The following ENO4 variants were observed in gnomAD, a reference collection of about 807,000 sequenced individuals.
ENO4 encodes the protein enolase 4, also known as 2-phospho-D-glycerate hydro-lyase.
A neutral mutation model predicts 63.2 loss-of-function variants in ENO4; 53 were observed. The ratio of observed to expected loss-of-function variants is 0.84; its 90% confidence interval spans 0.67 to 1.05. The LOEUF (loss-of-function observed/expected upper bound fraction) is 1.05. Among genes scored for constraint, ENO4 ranks in the 50% least tolerant of loss-of-function variants. The probability of loss-of-function intolerance (pLI) is 0.00; values close to 1 mark genes in which losing one functional copy is unlikely to be tolerated. For missense variants in ENO4, 719 were observed against 772.0 expected, an observed-to-expected ratio of 0.93 and a Z score of 0.81; for synonymous variants, 266 against 283.8, an observed-to-expected ratio of 0.94 and a Z score of 0.63.
rs1369542717 is a variant in ENO4 at position 116,861,170 on chromosome 10, C to T, written c.916C>T (p.Pro306Ser). The T allele has an allele frequency of 6.6e-7, 1 of 1,511,092 alleles. No individual in the cohort carries two copies. The highest frequency in any genetic ancestry group is 1.4e-5 in the African/African-American group (1 of 71,458). The allele number at this position is 1,511,092 out of a possible 1,614,324, so 93.6% of individuals were successfully genotyped here. Reference sequence around the variant, plus strand: ...GAAAGAAGTGATTTGTATACCCCATCCTGAATTAACAACCAAACAAGTACC... The same window carrying T: ...GAAAGAAGTGATTTGTATACCCCATTCTGAATTAACAACCAAACAAGTACC... ...LMKEVICIPH[P>S]ELTTKQGVEM... Residue 306 changes from proline to serine, a missense_variant, in exon 6 of 14, where the codon CCT becomes TCT. Around this residue, in one of 3 missense-constraint regions of ENO4, gnomAD observed 544 missense variants for 583.6 expected, o/e 0.93. Transcript: ENST00000341276.
chr10:116,881,480 GA>G (rs1353439068), intron 13 of ENO4, 34 bp from the exon 14 acceptor site: 1 of 1,485,646 alleles, frequency 6.7e-7, no homozygotes, highest in Non-Finnish European at 9.0e-7. Context: ...GGCACCATTG[GA>G]TTAGACAGTA....
intron 11 of ENO4, among the ~76,000 whole-genome samples, chr10:116,878,179 C>A (rs2133280327): frequency 6.6e-6 from 1 of 152,322 alleles, no homozygotes; most frequent in African/African-American, 2.4e-5. Flanking sequence ...TCATGGGCAT[C>A]TTGTACACTT....
chr10:116,849,664 C>A lies in ENO4; in HGVS notation c.98C>A (p.Pro33Gln), dbSNP rs1248051762. ...AMEYYRENDV[P>Q]RRLEELLNST... ...GAGTACTACCGGGAGAACGACGTTC[C>A]GCGCAGGCTGGAAGAGCTGCTCAAC... is the stretch of plus-strand genomic sequence containing the variant. Residue 33 changes from proline (P) to glutamine (Q), a missense_variant, in exon 1 of 14, where the codon CCG becomes CAG. By Grantham distance (76) the Pro-to-Gln change is moderately conservative. Around this residue, in one of 3 missense-constraint regions of ENO4, gnomAD observed 544 missense variants for 583.6 expected, o/e 0.93. Transcript: ENST00000341276. 2.5e-5 allele frequency: 38 copies of A among 1,550,132 alleles called. No homozygotes were observed. Among genetic ancestry groups the A allele is most frequent in the Non-Finnish European group, 2.5e-5 (29 of 1,146,754 alleles).
At chr10:116,850,935 A>T (rs916975073) in intron 1 of ENO4, among the ~76,000 whole-genome samples, 3 of 152,228 alleles carry the variant, frequency 2.0e-5, no homozygotes, top group Admixed American at 2.0e-4. Context: ...CACACAGTGG[A>T]TGCTGAGAAA....
At chr10:116,863,951 G>C (rs1190574406) in intron 7 of ENO4, among the ~76,000 whole-genome samples, 2 of 152,196 alleles carry the variant, frequency 1.3e-5, no homozygotes, top group Admixed American at 6.5e-5. Flanking sequence ...ATAACTCCGT[G>C]ACCTTGGGCC....
intron 9 of ENO4, 37 bp downstream of exon 9, chr10:116,871,329 G>C: frequency 6.7e-7 from 1 of 1,488,436 alleles, no homozygotes; most frequent in Non-Finnish European, 9.0e-7. Context: ...TTCCTATTGA[G>C]ATCCATGATT....
At chr10:116,899,931 TAC>T (rs930811924) in intron 10 of ENO4, among the ~76,000 whole-genome samples, 1 of 152,130 alleles carries the variant, frequency 6.6e-6, no homozygotes, top group African/African-American at 2.4e-5. Flanking sequence ...TGACAAATGA[TAC>T]AAACTGTTAA....
intron 9 of ENO4, among the ~76,000 whole-genome samples, chr10:116,873,579 C>G (rs780215436): frequency 5.9e-5 from 9 of 152,286 alleles, no homozygotes; most frequent in Non-Finnish European, 1.3e-4. Flanking sequence ...AAATAAATCA[C>G]ATTATTTTTC....
chr10:116,905,118 G>A (rs1203587628), intron 10 of ENO4, among the ~76,000 whole-genome samples: 6 of 150,200 alleles, frequency 4.0e-5, no homozygotes, highest in African/African-American at 9.8e-5. Context: ...GGAGAATGGC[G>A]TTGAACCCGG....
At chr10:116,869,074 A>T (rs1846621248) in intron 8 of ENO4, among the ~76,000 whole-genome samples, 1 of 152,222 alleles carries the variant, frequency 6.6e-6, no homozygotes, top group African/African-American at 2.4e-5. Flanking sequence ...AACAAAGAGA[A>T]AAACAAGAAG....
intron 10 of ENO4, chr10:116,901,321 A>G (rs935687211): frequency 1.0e-6 from 1 of 985,268 alleles, no homozygotes; most frequent in Non-Finnish European, 1.2e-6. Context: ...GGATAGAGCA[A>G]TATTAGGCAC....
intron 7 of ENO4, among the ~76,000 whole-genome samples, chr10:116,863,155 A>T (rs981319740): frequency 6.6e-6 from 1 of 152,228 alleles, no homozygotes; most frequent in African/African-American, 2.4e-5. Context: ...GCTTGATGGA[A>T]TGAAGGCAGA....
intron 10 of ENO4, among the ~76,000 whole-genome samples, chr10:116,907,744 A>G (rs1387330051): frequency 6.6e-6 from 1 of 152,202 alleles, no homozygotes; most frequent in East Asian, 1.9e-4. Context: ...AGAACCATAC[A>G]TAATCTTTTG....
At chr10:116,871,539 AG>A (rs1846695370) in intron 9 of ENO4, among the ~76,000 whole-genome samples, 1 of 152,212 alleles carries the variant, frequency 6.6e-6, no homozygotes, top group African/African-American at 2.4e-5. Context: ...AATAAAGATA[AG>A]TAAAATGAGT....
In ENO4 at chr10:116,860,907, G is replaced by C; in HGVS notation, c.748G>C (p.Ala250Pro). 1.0e-5 allele frequency: 16 copies of C among 1,549,386 alleles called. No individual in the cohort carries two copies. The highest frequency in any genetic ancestry group is 1.4e-5 in the Non-Finnish European group (16 of 1,146,068). Reference protein sequence around the residue: ...AVSLAVAKACAMLLNKPLYLN... With the variant: ...AVSLAVAKACPMLLNKPLYLN... ...GTCACTAGCTGTTGCCAAAGCCTGT[G>C]CCATGCTGCTTAATAAACCTCTGTA... The change falls in exon 5 of 14, where the codon GCC becomes CCC. Residue 250 changes from alanine (A) to proline (P), a missense_variant. This residue lies in a region of ENO4 where 544 missense variants were observed against 583.6 expected (regional missense o/e 0.93). Transcript: ENST00000341276.
At chr10:116,875,592 C>T (rs1020407557) in intron 10 of ENO4, among the ~76,000 whole-genome samples, 2 of 152,036 alleles carry the variant, frequency 1.3e-5, no homozygotes, top group Non-Finnish European at 2.9e-5. Flanking sequence ...CACACATGCA[C>T]ATGTATGTGT....
chr10:116,849,752 C>G (rs1589742608), intron 1 of ENO4, 21 bp downstream of exon 1: 1 of 1,490,678 alleles, frequency 6.7e-7, no homozygotes, highest in South Asian at 1.3e-5. Flanking sequence ...GGGACAAGCG[C>G]TCTCCTCCCG....
chr10:116,858,370 T>C (rs1268352683), intron 3 of ENO4, among the ~76,000 whole-genome samples: 1 of 152,244 alleles, frequency 6.6e-6, no homozygotes, highest in African/African-American at 2.4e-5. Context: ...AATCAATTTC[T>C]CTCATACTTT....
intron 8 of ENO4, among the ~76,000 whole-genome samples, chr10:116,870,453 C>A (rs1046355571): frequency 2.0e-4 from 31 of 152,056 alleles, no homozygotes; most frequent in Admixed American, 7.2e-4. Flanking sequence ...CCAGCCTGGG[C>A]AACACAGTGA....
Sources: allele counts gnomAD v4.1 joint callset (sites outside exome capture counted in the v4.1 genomes callset), GRCh38; gene constraint gnomAD v4.1.1; regional missense constraint gnomAD v4.1.1; transcripts MANE v1.5; gene names NCBI Gene and HGNC (gene_info 2026-07-23, HGNC 2026-07-21).